The following ANTXRL variants were observed in gnomAD, a reference collection of about 807,000 sequenced individuals.
ANTXRL encodes the protein ANTXR like.
Under a neutral mutation model 75.4 loss-of-function variants are expected in ANTXRL, and 63 were observed. That is an observed-to-expected ratio of 0.84 (90% CI 0.68 to 1.03). The LOEUF (loss-of-function observed/expected upper bound fraction) is 1.03. ANTXRL is among the 50% of genes least tolerant of loss of function. The probability of loss-of-function intolerance (pLI) is 0.00; values close to 1 mark genes in which losing one functional copy is unlikely to be tolerated. For synonymous variants in ANTXRL, 335 were observed against 291.3 expected (o/e 1.15, Z -1.53); for missense variants, 797 against 789.4 (o/e 1.01, Z -0.12).
Position 46,293,869 on chromosome 10 carries a change from G to A in ANTXRL, c.361G>A (p.Gly121Ser), listed in dbSNP as rs1226859344. The A allele has an allele frequency of 8.5e-6, 13 of 1,535,562 alleles. No individual in the cohort carries two copies. The East Asian group carries it at 9.8e-5, about 12-fold the overall frequency. Residue 121 changes from glycine (G) to serine (S), a missense_variant, in exon 3 of 17, where the codon GGC becomes AGC. This residue lies in a region of ANTXRL where 262 missense variants were observed against 271.9 expected (regional missense o/e 0.96). Coordinates refer to ENST00000620264, the MANE Select transcript of ANTXRL (RefSeq NM_001278688.3). ...GTGCTTCATCACCTACTCCACAGAC[G>A]GCCAGACTGTCTTGCCACTCACCTC... The part of the protein sequence containing the change: ...RMCFITYSTD[G>S]QTVLPLTSDK...
At chr10:46,299,268 T>C (rs3125090) in intron 9 of ANTXRL, among the ~76,000 whole-genome samples, 3 of 152,078 alleles carry the variant, frequency 2.0e-5, no homozygotes, top group African/African-American at 7.3e-5. Flanking sequence ...AGAAGGAAAC[T>C]TCCATAGCCC....
intron 16 of ANTXRL, among the ~76,000 whole-genome samples, chr10:46,326,717 G>T (rs1380541205): frequency 1.3e-5 from 2 of 152,136 alleles, no homozygotes; most frequent in African/African-American, 4.8e-5. Context: ...CATCCTGATG[G>T]AGTGACCTGC....
rs557546296 is a variant in ANTXRL, at chr10:46,317,642, A to G, written c.1410+4326A>G. On this transcript the variant is annotated intron_variant, in intron 16 of 16. Coordinates refer to ENST00000620264, the MANE Select transcript of ANTXRL (RefSeq NM_001278688.3). Reference sequence around the variant, plus strand: ...GTGCTTTTTGGGAAAGTTTCAGATCATAACTTTGGTATTGCAATTACAGAG... The same window carrying G: ...GTGCTTTTTGGGAAAGTTTCAGATCGTAACTTTGGTATTGCAATTACAGAG... 2.4e-4 allele frequency among the ~76,000 whole-genome samples: 36 copies of G among 152,246 alleles called. 1 individual carries two copies. Among genetic ancestry groups the G allele is most frequent in the South Asian group, 1.7e-3 (8 of 4,826 alleles).
intron 9 of ANTXRL, among the ~76,000 whole-genome samples, chr10:46,301,976 T>C (rs1431439155): frequency 2.0e-5 from 3 of 152,110 alleles, no homozygotes; most frequent in Admixed American, 6.5e-5. Flanking sequence ...TCCCCTGTGG[T>C]CTTTGGGTCA....
At chr10:46,297,629 T>G (rs2132695032) in intron 7 of ANTXRL, among the ~76,000 whole-genome samples, 155 bp downstream of exon 7, 1 of 152,228 alleles carries the variant, frequency 6.6e-6, no homozygotes, top group South Asian at 2.1e-4. Flanking sequence ...GCATGTTGTA[T>G]AAATCCCACC....
chr10:46,302,421 A>G (rs1337006288), intron 9 of ANTXRL, among the ~76,000 whole-genome samples: 1 of 152,140 alleles, frequency 6.6e-6, no homozygotes, highest in African/African-American at 2.4e-5. Context: ...CAGGGCAGGA[A>G]TACCACTCTG....
intron 10 of ANTXRL, among the ~76,000 whole-genome samples, chr10:46,303,286 C>T (rs1205118911): frequency 1.3e-5 from 2 of 152,192 alleles, no homozygotes; most frequent in Non-Finnish European, 1.5e-5. Context: ...GCCTGTAGGC[C>T]TGGGCCTTGG....
At chr10:46,318,308 AG>A (rs1285743056) in intron 16 of ANTXRL, among the ~76,000 whole-genome samples, 1 of 152,164 alleles carries the variant, frequency 6.6e-6, no homozygotes, top group Non-Finnish European at 1.5e-5. Context: ...CCCATATATA[AG>A]TGTAACACAA....
In ANTXRL at chr10:46,293,507, CTG is replaced by C. The variant is rs781800090; in HGVS notation, c.321-309_321-308del. Among the ~76,000 whole-genome samples, 293 of 87,798 alleles carry C rather than the reference CTG, an allele frequency of 3.3e-3. 2 individuals are homozygous for C. The highest frequency in any genetic ancestry group is 3.3e-3 in the East Asian group (11 of 3,344). 57.6% of individuals were successfully genotyped at this position (87,798 alleles called of 152,430 possible). ...GTGGGTGTTTGTGTGGTGTGTGCACCTGTGTGTGTGTGTGCCTCTGTGTGTGC... is the reference window on the plus strand; with the variant it reads ...GTGGGTGTTTGTGTGGTGTGTGCACCTGTGTGTGTGTGCCTCTGTGTGTGC... On this transcript the variant is annotated intron_variant, in intron 2 of 16. Coordinates refer to ENST00000620264, the MANE Select transcript of ANTXRL (RefSeq NM_001278688.3).
intron 10 of ANTXRL, among the ~76,000 whole-genome samples, chr10:46,304,598 G>A (rs1837959767): frequency 1.3e-5 from 2 of 152,180 alleles, no homozygotes; most frequent in African/African-American, 4.8e-5. Context: ...CAGGCATATA[G>A]GCATAAAACC....
At chr10:46,304,144 C>T (rs1837927123) in intron 10 of ANTXRL, among the ~76,000 whole-genome samples, 1 of 152,164 alleles carries the variant, frequency 6.6e-6, no homozygotes, top group Admixed American at 6.5e-5. Context: ...CAGCCCCTTT[C>T]TAAGGAAAGC....
chr10:46,327,931 C>T (rs184167871), intron 16 of ANTXRL, among the ~76,000 whole-genome samples: 20 of 152,256 alleles, frequency 1.3e-4, no homozygotes, highest in Admixed American at 5.9e-4. Flanking sequence ...GCATCATCAG[C>T]GCCACATCAC....
intron 16 of ANTXRL, among the ~76,000 whole-genome samples, chr10:46,323,493 G>A (rs1475890628): frequency 4.6e-5 from 7 of 152,146 alleles, no homozygotes; most frequent in African/African-American, 1.7e-4. Context: ...TAGATGGCTT[G>A]CTGAAAAATG....
chr10:46,288,356 G>A (rs1408600355), intron 1 of ANTXRL, among the ~76,000 whole-genome samples: 1 of 152,148 alleles, frequency 6.6e-6, no homozygotes, highest in Non-Finnish European at 1.5e-5. Context: ...TCCTGGACAA[G>A]GGTGGCTCCT....
In ANTXRL at chr10:46,330,126, T is replaced by C. The variant is rs41284477; in HGVS notation, c.*42T>C. ...GATTAACAGGCTTTTGTTGCTGAAC[T>C]GGACATATACATTGAGTCTTTTCTT... On this transcript the variant is annotated 3_prime_UTR_variant, in exon 17 of 17. Coordinates refer to ENST00000620264, the MANE Select transcript of ANTXRL (RefSeq NM_001278688.3). The C allele has an allele frequency of 0.034, 49,876 of 1,461,794 alleles. 2,061 individuals carry two copies. The highest frequency in any genetic ancestry group is 0.2 in the African/African-American group (14,404 of 70,660). 90.6% of individuals were successfully genotyped at this position (1,461,794 alleles called of 1,614,324 possible). A position where few individuals can be genotyped will look rare whatever the true frequency, so the allele number is the denominator to read the frequency against.
At chr10:46,290,320 G>C (rs782100012) in intron 1 of ANTXRL, among the ~76,000 whole-genome samples, 2 of 152,186 alleles carry the variant, frequency 1.3e-5, no homozygotes, top group African/African-American at 4.8e-5. Context: ...GGGATTCCAA[G>C]CGTGAGCCAC....
At chr10:46,301,918 C>G (rs1382130839) in intron 9 of ANTXRL, among the ~76,000 whole-genome samples, 1 of 152,204 alleles carries the variant, frequency 6.6e-6, no homozygotes, top group Non-Finnish European at 1.5e-5. Context: ...AGCTGCAGAC[C>G]TGCGGGAACC....
chr10:46,301,997 T>C (rs782692219), intron 9 of ANTXRL, among the ~76,000 whole-genome samples: 1 of 152,128 alleles, frequency 6.6e-6, no homozygotes, highest in East Asian at 1.9e-4. Flanking sequence ...GGGCAGGAGC[T>C]ACAGTGGTGG....
chr10:46,328,705 G>T (rs1290823276), intron 16 of ANTXRL, among the ~76,000 whole-genome samples: 1 of 151,964 alleles, frequency 6.6e-6, no homozygotes, highest in Admixed American at 6.6e-5. Context: ...TGCCGTGGTG[G>T]TTTGTTGCAC....
Sources: allele counts gnomAD v4.1 joint callset (sites outside exome capture counted in the v4.1 genomes callset), GRCh38; gene constraint gnomAD v4.1.1; regional missense constraint gnomAD v4.1.1; transcripts MANE v1.5; gene names NCBI Gene and HGNC (gene_info 2026-07-23, HGNC 2026-07-21).